Variants in MANBAL observed in about 807,000 individuals in gnomAD.
The protein encoded by MANBAL is mannosidase beta like.
MANBAL carries 1 observed loss-of-function variant against 6.4 expected under a neutral mutation model. The observed-to-expected ratio is 0.16, with a 90% confidence interval of 0.06 to 0.74. The LOEUF (loss-of-function observed/expected upper bound fraction) is 0.74. Ranked by LOEUF, MANBAL falls within the 30% of genes least tolerant of loss-of-function variation. The probability of loss-of-function intolerance (pLI) is 0.78; values close to 1 mark genes in which losing one functional copy is unlikely to be tolerated. For missense variants in MANBAL, 100 were observed against 107.8 expected (o/e 0.93, Z 0.32); for synonymous variants, 47 against 45.8 (o/e 1.03, Z -0.10).
chr20:37,294,697 G>A (rs141613850), intron 1 of MANBAL, among the ~76,000 whole-genome samples: 2 of 151,960 alleles, frequency 1.3e-5, no homozygotes, highest in South Asian at 2.1e-4. Flanking sequence ...GCCCTTCCCC[G>A]ACCACCTCAT....
intron 1 of MANBAL, among the ~76,000 whole-genome samples, chr20:37,291,603 C>A (rs2146779573): frequency 6.6e-6 from 1 of 152,204 alleles, no homozygotes; most frequent in South Asian, 2.1e-4. Context: ...GGAGGAGGAC[C>A]ACTGATAGGG....
chr20:37,307,458 G>A (rs1468762565), intron 2 of MANBAL, among the ~76,000 whole-genome samples: 1 of 152,168 alleles, frequency 6.6e-6, no homozygotes, highest in Non-Finnish European at 1.5e-5. Context: ...GTTGGGAATA[G>A]AGACCTGACA....
chr20:37,313,252 C>T lies in MANBAL; in HGVS notation c.151-3056C>T, dbSNP rs2092463. On this transcript the variant is annotated intron_variant, in intron 2 of 2. Transcript: ENST00000373606. Reference sequence around the variant, plus strand: ...ATTAGCCAGTAGCGGGTGCCTGTAGCCCCAGCTACTCGGGAGGCTGAGGCA... The same window carrying T: ...ATTAGCCAGTAGCGGGTGCCTGTAGTCCCAGCTACTCGGGAGGCTGAGGCA... Among the ~76,000 whole-genome samples, 1,133 of 151,976 alleles carry T rather than the reference C, an allele frequency of 7.5e-3. 16 individuals carry two copies. Among genetic ancestry groups the T allele is most frequent in the African/African-American group, 0.025 (1,026 of 41,454 alleles).
chr20:37,312,279 G>A (rs1381480800), intron 2 of MANBAL, among the ~76,000 whole-genome samples: 1 of 152,170 alleles, frequency 6.6e-6, no homozygotes, highest in Non-Finnish European at 1.5e-5. Context: ...GGTTGTAGGT[G>A]ACCCATTGAC....
intron 1 of MANBAL, chr20:37,298,823 G>A (rs6131016): frequency 6.6e-6 from 1 of 151,488 alleles, no homozygotes; most frequent in African/African-American, 2.4e-5. Context: ...CTGCAGCCTA[G>A]ACCTCCCAGC....
chr20:37,312,194 T>C lies in MANBAL; in HGVS notation c.151-4114T>C, dbSNP rs569474601. ...ACACCCACAGAAGACTCCCTTCAGC[T>C]GTAAAAAATCAAGCGTGATCTGGAG... On this transcript the variant is annotated intron_variant, in intron 2 of 2. Coordinates refer to ENST00000373606, the MANE Select transcript of MANBAL (RefSeq NM_001003897.2). Among the ~76,000 whole-genome samples the C allele has an allele frequency of 1.1e-4, 17 of 152,278 alleles. No homozygotes were observed. The South Asian group carries it at 2.9e-3, about 26-fold the overall frequency.
intron 1 of MANBAL, among the ~76,000 whole-genome samples, chr20:37,295,252 A>T (rs920174932): frequency 1.3e-5 from 2 of 152,248 alleles, no homozygotes; most frequent in Admixed American, 1.3e-4. Context: ...CAGGACCTGG[A>T]ATAAACTCAA....
At chr20:37,294,496 C>G (rs2068947541) in intron 1 of MANBAL, among the ~76,000 whole-genome samples, 1 of 152,226 alleles carries the variant, frequency 6.6e-6, no homozygotes, top group African/African-American at 2.4e-5. Flanking sequence ...CCTTTTCACT[C>G]AGAGACTGGC....
intron 2 of MANBAL, among the ~76,000 whole-genome samples, chr20:37,305,716 A>G (rs2069243922): frequency 6.8e-6 from 1 of 147,614 alleles, no homozygotes; most frequent in South Asian, 2.1e-4. Flanking sequence ...ATGGATCAGT[A>G]GCAAAAAAAT....
chr20:37,298,916 T>TTATA (rs1473401550), intron 1 of MANBAL: 3 of 152,122 alleles, frequency 2.0e-5, no homozygotes, highest in African/African-American at 7.2e-5. Flanking sequence ...TTTAAATTTT[T>TTATA]TATAGCAACA....
intron 2 of MANBAL, among the ~76,000 whole-genome samples, chr20:37,312,208 C>T (rs188495928): frequency 2.0e-5 from 3 of 152,256 alleles, no homozygotes; most frequent in East Asian, 3.9e-4. Flanking sequence ...AAAAATCAAG[C>T]GTGATCTGGA....
chr20:37,307,076 C>T (rs1370053337), intron 2 of MANBAL, among the ~76,000 whole-genome samples: 1 of 152,198 alleles, frequency 6.6e-6, no homozygotes, highest in South Asian at 2.1e-4. Flanking sequence ...TCCTCCCGTC[C>T]TCTGCCTCCT....
intron 2 of MANBAL, among the ~76,000 whole-genome samples, chr20:37,310,907 G>A (rs902071361): frequency 1.3e-4 from 20 of 152,220 alleles, no homozygotes; most frequent in African/African-American, 4.3e-4. Context: ...TACGGGCAGC[G>A]TACATTTGAG....
rs1180114850 is a variant in MANBAL, at chr20:37,316,525, G to C, written c.*110G>C. On this transcript the variant is annotated 3_prime_UTR_variant, in exon 3 of 3. Coordinates refer to ENST00000373606, the MANE Select transcript of MANBAL (RefSeq NM_001003897.2). ...TCCAGGCTCAGGGTCTGAGGAGGCT[G>C]TGACGCCCTATGACCGCAGAGATCT... 2 of 908,534 alleles carry C rather than the reference G, an allele frequency of 2.2e-6. No homozygotes were observed. The highest frequency in any genetic ancestry group is 1.7e-5 in the African/African-American group (1 of 59,208). The allele number at this position is 908,534 out of a possible 1,614,324, so 56.3% of individuals were successfully genotyped here.
chr20:37,304,228 G>A (rs148751381), intron 2 of MANBAL, among the ~76,000 whole-genome samples: 225 of 151,154 alleles, frequency 1.5e-3, no homozygotes, highest in Non-Finnish European at 2.3e-3. Flanking sequence ...CTCCCATCAT[G>A]AGATATAGTT....
chr20:37,306,442 C>T (rs900388221), intron 2 of MANBAL, among the ~76,000 whole-genome samples: 2 of 152,120 alleles, frequency 1.3e-5, no homozygotes, highest in African/African-American at 4.8e-5. Flanking sequence ...CCCACCCCAC[C>T]CCCTTCCTTT....
At chr20:37,312,317 A>C (rs1035272766) in intron 2 of MANBAL, among the ~76,000 whole-genome samples, 2 of 152,184 alleles carry the variant, frequency 1.3e-5, no homozygotes, top group Non-Finnish European at 1.5e-5. Context: ...AGCTGTACTT[A>C]CCATTCCAGA....
chr20:37,310,820 C>T (rs759334681), intron 2 of MANBAL, among the ~76,000 whole-genome samples: 16 of 152,128 alleles, frequency 1.1e-4, no homozygotes, highest in African/African-American at 3.9e-4. Context: ...ACTTGAGGCT[C>T]GCTTGAGAGG....
chr20:37,299,569 C>T (rs187178579), intron 1 of MANBAL, among the ~76,000 whole-genome samples: 2 of 152,286 alleles, frequency 1.3e-5, no homozygotes, highest in Non-Finnish European at 2.9e-5. Context: ...TGCATTGTGG[C>T]ACAGATCTCT....
Sources: gnomAD v4.1 joint callset for allele counts (sites outside exome capture counted in the v4.1 genomes callset) on GRCh38, gnomAD v4.1.1 for gene constraint, MANE v1.5 for transcripts, NCBI Gene and HGNC (gene_info 2026-07-23, HGNC 2026-07-21) for gene names.